The following UIMC1 variants were observed in gnomAD, a reference collection of about 807,000 sequenced individuals.
UIMC1 encodes the protein BRCA1-A complex subunit RAP80.
A neutral mutation model predicts 84.9 loss-of-function variants in UIMC1; 42 were observed. The observed-to-expected ratio is 0.49, with a 90% CI of 0.39 to 0.64. UIMC1 has a LOEUF of 0.64. UIMC1 is among the 30% of genes least tolerant of loss of function. The probability of loss-of-function intolerance (pLI) is 0.00; values close to 1 mark genes in which losing one functional copy is unlikely to be tolerated. For synonymous variants in UIMC1, 281 were observed against 293.0 expected, an observed-to-expected ratio of 0.96 and a Z score of 0.42; for missense variants, 825 against 847.6, an observed-to-expected ratio of 0.97 and a Z score of 0.33.
intron 1 of UIMC1, among the ~76,000 whole-genome samples, chr5:176,987,658 T>A (rs964996674): frequency 6.8e-6 from 1 of 147,136 alleles, no homozygotes; most frequent in Non-Finnish European, 1.5e-5. Context: ...CTCAAAAAAA[T>A]AAAATAAAAA....
intron 9 of UIMC1, among the ~76,000 whole-genome samples, chr5:176,950,368 G>T (rs28662243): frequency 0.098 from 14,778 of 151,000 alleles, 1,507 homozygotes; most frequent in African/African-American, 0.26. Flanking sequence ...AAAGTGCTCG[G>T]ATTACAGGCA....
chr5:176,981,144 G>C (rs1156877032), intron 2 of UIMC1, among the ~76,000 whole-genome samples: 1 of 132,272 alleles, frequency 7.6e-6, no homozygotes, highest in African/African-American at 2.8e-5. Context: ...TGTTTTGTTG[G>C]TTTTTTTTTT....
intron 10 of UIMC1, among the ~76,000 whole-genome samples, chr5:176,929,925 T>C (rs1762882736): frequency 1.3e-5 from 2 of 152,156 alleles, no homozygotes; most frequent in Non-Finnish European, 2.9e-5. Context: ...CATCAGAACC[T>C]AAATAAAGAT....
At position 176,993,287 on chromosome 5, in the gene UIMC1, G is replaced by C. The variant is rs58286934; in HGVS notation, c.-8-10664C>G. ...CACAATCTCAACCTCCTAGACTCAA[G>C]CAATTCTTCCATCTCAACCTCCCAA... is the stretch of plus-strand genomic sequence containing the variant. On this transcript the variant is annotated intron_variant, in intron 1 of 14. Coordinates refer to ENST00000511320, the MANE Select transcript of UIMC1 (RefSeq NM_001199298.2). 2.8e-3 allele frequency among the ~76,000 whole-genome samples: 426 copies of C among 152,026 alleles called. 2 individuals carry two copies. The highest frequency in any genetic ancestry group is 9.9e-3 in the African/African-American group (410 of 41,442).
chr5:176,916,103 G>C (rs1005232718), intron 10 of UIMC1, among the ~76,000 whole-genome samples: 1 of 152,232 alleles, frequency 6.6e-6, no homozygotes, highest in African/African-American at 2.4e-5. Flanking sequence ...AAAGAGCAGA[G>C]AAGTGTATGT....
intron 10 of UIMC1, among the ~76,000 whole-genome samples, chr5:176,915,175 T>C (rs1299984243): frequency 6.6e-6 from 1 of 152,074 alleles, no homozygotes; most frequent in Non-Finnish European, 1.5e-5. Flanking sequence ...TATTCACTTA[T>C]ATGTCAGTCT....
chr5:176,985,864 G>A (rs1245074206), intron 1 of UIMC1, among the ~76,000 whole-genome samples: 2 of 152,090 alleles, frequency 1.3e-5, no homozygotes, highest in African/African-American at 4.8e-5. Context: ...CCTGATAAAG[G>A]ACTTCTACAA....
chr5:177,000,040 G>A (rs1300139862), intron 1 of UIMC1, among the ~76,000 whole-genome samples: 2 of 152,040 alleles, frequency 1.3e-5, no homozygotes, highest in Middle Eastern at 3.2e-3. Context: ...CTCACTGCAA[G>A]CTCCACCTCC....
chr5:176,973,803 T>C (rs1299141893), intron 3 of UIMC1, among the ~76,000 whole-genome samples: 1 of 151,814 alleles, frequency 6.6e-6, no homozygotes, highest in African/African-American at 2.4e-5. Context: ...CTTGGGAGGC[T>C]GAGATGAGAG....
intron 1 of UIMC1, among the ~76,000 whole-genome samples, chr5:177,021,163 A>G (rs1481817751): frequency 6.6e-6 from 1 of 152,206 alleles, no homozygotes. Flanking sequence ...CTGTAATCCC[A>G]GCTACTCAGG....
At position 176,905,215 on chromosome 5, in the gene UIMC1, C is replaced by G. The variant is rs1368080771; in HGVS notation, c.*67G>C. ...TTGCTCAACAATGAACTAGGGACCA[C>G]TATGGCTTAATGAACATGGCCCACC... On this transcript the variant is annotated 3_prime_UTR_variant, in exon 15 of 15. Coordinates refer to ENST00000511320, the MANE Select transcript of UIMC1 (RefSeq NM_001199298.2). 6.4e-7 allele frequency: 1 copy of G among 1,551,976 alleles called. No individual in the cohort carries two copies. Among genetic ancestry groups the G allele is most frequent in the African/African-American group, 1.4e-5 (1 of 73,376 alleles).
chr5:176,966,421 C>G (rs1328135685), intron 6 of UIMC1, among the ~76,000 whole-genome samples: 6 of 152,200 alleles, frequency 3.9e-5, no homozygotes, highest in African/African-American at 1.4e-4. Flanking sequence ...GTTCTCTATT[C>G]TATGAAGCTC....
At chr5:176,931,954 C>T (rs1763137342) in intron 10 of UIMC1, among the ~76,000 whole-genome samples, 8 of 152,184 alleles carry the variant, frequency 5.3e-5, no homozygotes, top group Admixed American at 5.2e-4. Flanking sequence ...GCCTGGGCGA[C>T]AGAGCGAGAA....
At chr5:176,928,015 C>G (rs1025040781) in intron 10 of UIMC1, among the ~76,000 whole-genome samples, 12 of 151,816 alleles carry the variant, frequency 7.9e-5, no homozygotes, top group African/African-American at 2.7e-4. Context: ...CCATGCCTGG[C>G]TGATTTTTAG....
At chr5:177,016,800 A>G (rs913080428) in intron 1 of UIMC1, among the ~76,000 whole-genome samples, 49 of 152,070 alleles carry the variant, frequency 3.2e-4, no homozygotes, top group African/African-American at 1.2e-3. Flanking sequence ...AGGCAGGTGA[A>G]TCACCTGAGG....
At chr5:176,931,347 T>G (rs750077571) in intron 10 of UIMC1, among the ~76,000 whole-genome samples, 1 of 152,222 alleles carries the variant, frequency 6.6e-6, no homozygotes, top group Non-Finnish European at 1.5e-5. Context: ...TAATATTCCT[T>G]TAACACATAA....
chr5:176,967,268 A>G (rs1318064980), intron 6 of UIMC1, among the ~76,000 whole-genome samples: 1 of 151,920 alleles, frequency 6.6e-6, no homozygotes, highest in Non-Finnish European at 1.5e-5. Context: ...TGACTAATCC[A>G]CACATGGTAT....
At chr5:176,908,859 C>T (rs951373133) in intron 11 of UIMC1, among the ~76,000 whole-genome samples, 165 bp from the exon 12 acceptor site, 1 of 152,216 alleles carries the variant, frequency 6.6e-6, no homozygotes, top group African/African-American at 2.4e-5. Flanking sequence ...TAAAACTAAT[C>T]CAACGCCAAT....
At chr5:176,973,863 A>G (rs563855724) in intron 3 of UIMC1, among the ~76,000 whole-genome samples, 1 of 152,080 alleles carries the variant, frequency 6.6e-6, no homozygotes, top group East Asian at 1.9e-4. Flanking sequence ...CTGCATTCCA[A>G]CCTGGACAAC....
Sources: gnomAD v4.1 joint callset for allele counts (sites outside exome capture counted in the v4.1 genomes callset) on GRCh38, gnomAD v4.1.1 for gene constraint, MANE v1.5 for transcripts, NCBI Gene and HGNC (gene_info 2026-07-23, HGNC 2026-07-21) for gene names.